Variants in PRKCZ observed in about 807,000 individuals in gnomAD.
The protein encoded by PRKCZ is protein kinase C zeta.
PRKCZ carries 33 observed loss-of-function variants against 79.5 expected under a neutral mutation model. That is an observed-to-expected ratio of 0.41 (90% confidence interval 0.31 to 0.55). The LOEUF is 0.55. PRKCZ is among the 20% of genes least tolerant of loss of function. The pLI is 0.19. For missense variants in PRKCZ, 578 were observed against 813.5 expected, an observed-to-expected ratio of 0.71 and a Z score of 3.52; for synonymous variants, 342 against 320.9, an observed-to-expected ratio of 1.07 and a Z score of -0.70.
intron 3 of PRKCZ, among the ~76,000 whole-genome samples, chr1:2,059,031 G>A (rs1246499382): frequency 8.5e-5 from 13 of 152,308 alleles, no homozygotes; most frequent in African/African-American, 2.9e-4. Flanking sequence ...CTGGCCTGAA[G>A]CCATCCTCTC....
chr1:2,097,839 C>A (rs928064299), intron 4 of PRKCZ, among the ~76,000 whole-genome samples: 2 of 152,172 alleles, frequency 1.3e-5, no homozygotes, highest in Admixed American at 1.3e-4. Context: ...TAGAAGGGTG[C>A]GTCTTGCAGA....
intron 4 of PRKCZ, among the ~76,000 whole-genome samples, chr1:2,067,497 G>C (rs536274802): frequency 5.9e-5 from 9 of 152,178 alleles, no homozygotes; most frequent in African/African-American, 1.4e-4. Context: ...GTCACGCCCC[G>C]GTCGAGTGGG....
Position 2,162,949 on chromosome 1 carries a change from T to C in PRKCZ, c.975-6569T>C, listed in dbSNP as rs527306183. Among the ~76,000 whole-genome samples, 4 of 152,344 alleles carry C rather than the reference T, an allele frequency of 2.6e-5. No homozygotes were observed. The East Asian group carries it at 7.7e-4, about 29-fold the overall frequency. On this transcript the variant is annotated intron_variant, in intron 10 of 17. Transcript: ENST00000378567. ...TCCTTGTAGTAACTTTCATGGCTTC[T>C]GAGTTCTTCCTTGTAGTAACTTTCA...
chr1:2,050,380 A>C, upstream of PRKCZ: 1 of 169,562 alleles, frequency 5.9e-6, no homozygotes. Context: ...CGCCCCGCGG[A>C]TTGGCCGCTG....
rs1319737007 is a variant in PRKCZ at position 2,121,709 on chromosome 1, G to T, written c.335-13553G>T. On this transcript the variant is annotated intron_variant, in intron 4 of 17. Transcript: ENST00000378567. The stretch of plus-strand genomic sequence containing the variant: ...TCACGGTGGTGGTTAGGGTCACGGT[G>T]GTAGTTAGGGTCACGGCGGTACTTA... 7.7e-5 allele frequency among the ~76,000 whole-genome samples: 5 copies of T among 64,846 alleles called. 1 individual carries two copies. The highest frequency in any genetic ancestry group is 1.2e-3 in the South Asian group (2 of 1,630). 42.5% of individuals were successfully genotyped at this position (64,846 alleles called of 152,430 possible). A position where few individuals can be genotyped will look rare whatever the true frequency, so the allele number is the denominator to read the frequency against.
intron 4 of PRKCZ, among the ~76,000 whole-genome samples, chr1:2,089,190 G>A (rs923194085): frequency 1.3e-5 from 2 of 151,548 alleles, no homozygotes; most frequent in Admixed American, 1.3e-4. Flanking sequence ...TTCCCTGTTC[G>A]CGAGGTCCCT....
intron 4 of PRKCZ, among the ~76,000 whole-genome samples, chr1:2,115,436 CTG>C (rs577333087): frequency 7.5e-4 from 114 of 152,384 alleles, no homozygotes; most frequent in Admixed American, 2.0e-3. Flanking sequence ...GCACTCTGCA[CTG>C]TGTTTCTGCC....
At chr1:2,113,941 C>A (rs3107144) in intron 4 of PRKCZ, among the ~76,000 whole-genome samples, 95,077 of 151,374 alleles carry the variant, frequency 0.63, 29,971 homozygotes, top group African/African-American at 0.69. Context: ...GGGCCCAGCC[C>A]ACAGCATCCA....
chr1:2,111,398 A>G (rs1194991342), intron 4 of PRKCZ, among the ~76,000 whole-genome samples: 1 of 151,208 alleles, frequency 6.6e-6, no homozygotes, highest in Non-Finnish European at 1.5e-5. Flanking sequence ...CCGAGAAGTG[A>G]TGGGCAGGAT....
At chr1:2,148,827 C>T (rs764295701) in intron 7 of PRKCZ, 45 bp from the exon 8 acceptor site, 5 of 1,596,522 alleles carry the variant, frequency 3.1e-6, no homozygotes, top group Non-Finnish European at 4.3e-6. Context: ...CCAGTGCGTT[C>T]CTGACCACAC....
At chr1:2,134,807 C>T (rs1675835480) in intron 4 of PRKCZ, 1 of 153,724 alleles carries the variant, frequency 6.5e-6, no homozygotes, top group South Asian at 2.0e-4. Context: ...TCTTCCTCCT[C>T]TGACAGTCAT....
intron 1 of PRKCZ, 71 bp downstream of exon 1, chr1:2,050,772 C>A: frequency 1.0e-6 from 1 of 986,914 alleles, no homozygotes; most frequent in Non-Finnish European, 1.3e-6. Flanking sequence ...GCCGTCGGGG[C>A]TCCTGCGCGA....
Position 2,094,804 on chromosome 1 carries a change from C to T in PRKCZ, c.334+35213C>T, listed in dbSNP as rs967866651. Among the ~76,000 whole-genome samples the T allele has an allele frequency of 2.0e-5, 3 of 152,206 alleles. No individual in the cohort carries two copies. Among genetic ancestry groups the T allele is most frequent in the Admixed American group, 6.5e-5 (1 of 15,288 alleles). The stretch of plus-strand genomic sequence containing the variant: ...CTGAGGCGTCTGCTGTGGCCCTTAC[C>T]GTCTGGCTTCTCTGCTGGCTCTTTT... On this transcript the variant is annotated intron_variant, in intron 4 of 17. Transcript: ENST00000378567. This position sits in a 1 kb window ranked among gnomAD's most constrained non-coding sequence, Gnocchi z 7.3.
chr1:2,073,047 A>C (rs1661749786), intron 4 of PRKCZ, among the ~76,000 whole-genome samples: 1 of 151,992 alleles, frequency 6.6e-6, no homozygotes, highest in Non-Finnish European at 1.5e-5. Flanking sequence ...TAGGGGTTGG[A>C]GGGTCAGGCC....
rs1662300067 is a variant in PRKCZ, at chr1:2,075,826, G to A, written c.334+16235G>A. On this transcript the variant is annotated intron_variant, in intron 4 of 17. Transcript: ENST00000378567. This position sits in a 1 kb window ranked among gnomAD's most constrained non-coding sequence, Gnocchi z 4.8. ...GGCTGTCAATGGCCCCAGTGGAGAG[G>A]CCCACTGAGCATCCTGAGAAGTTCC... 6.6e-6 allele frequency among the ~76,000 whole-genome samples: 1 copy of A among 152,222 alleles called. No individual in the cohort carries two copies. Among genetic ancestry groups the A allele is most frequent in the South Asian group, 2.1e-4 (1 of 4,832 alleles).
intron 10 of PRKCZ, among the ~76,000 whole-genome samples, chr1:2,158,514 T>C (rs1681562431): frequency 1.3e-5 from 2 of 152,224 alleles, no homozygotes; most frequent in South Asian, 4.1e-4. Flanking sequence ...CCTTTGTGCA[T>C]TCCCATTGCG....
At chr1:2,132,179 C>A (rs781594601) in intron 4 of PRKCZ, among the ~76,000 whole-genome samples, 3 of 152,188 alleles carry the variant, frequency 2.0e-5, no homozygotes, top group African/African-American at 4.8e-5. Context: ...GTTTCTGTCA[C>A]CCTAGGGTTT....
intron 4 of PRKCZ, among the ~76,000 whole-genome samples, chr1:2,123,627 C>T (rs372308948): frequency 2.3e-3 from 7 of 2,994 alleles, no homozygotes; most frequent in Admixed American, 0.011. Flanking sequence ...AGGGTCACGG[C>T]GGTGGTTAGG....
At chr1:2,124,205 ACGGC>A (rs1427199154) in intron 4 of PRKCZ, among the ~76,000 whole-genome samples, 1 of 132,704 alleles carries the variant, frequency 7.5e-6, no homozygotes, top group African/African-American at 2.8e-5. Flanking sequence ...AGTTAGGGTC[ACGGC>A]TGTAGTTAGC....
Sources: gnomAD v4.1 joint callset for allele counts (sites outside exome capture counted in the v4.1 genomes callset) on GRCh38, gnomAD v4.1.1 for gene constraint, Gnocchi (gnomAD v3.1) non-coding constraint, MANE v1.5 for transcripts, NCBI Gene and HGNC (gene_info 2026-07-23, HGNC 2026-07-21) for gene names.